The following SNX7 variants were observed in gnomAD, a reference collection of about 807,000 sequenced individuals.
SNX7 encodes sorting nexin 7.
SNX7 carries 35 observed loss-of-function variants against 48.4 expected under a neutral mutation model. The observed-to-expected ratio is 0.72, with a 90% CI of 0.55 to 0.96. SNX7 has a LOEUF of 0.96. SNX7 is among the 40% of genes least tolerant of loss of function. The pLI, the probability that SNX7 is intolerant of heterozygous loss-of-function variation, is 0.00. For synonymous variants in SNX7, 190 were observed against 190.2 expected (o/e 1.00, Z 0.01); for missense variants, 553 against 548.9 (o/e 1.01, Z -0.07).
chr1:98,672,606 A>C (rs1477855208), intron 1 of SNX7, among the ~76,000 whole-genome samples: 2 of 151,904 alleles, frequency 1.3e-5, no homozygotes, highest in African/African-American at 2.4e-5. Flanking sequence ...TAAATACAAG[A>C]GGTAAAATTT....
intron 8 of SNX7, among the ~76,000 whole-genome samples, chr1:98,741,575 G>A (rs1654071183): frequency 6.6e-6 from 1 of 152,128 alleles, no homozygotes. Context: ...AATGTGTTGA[G>A]TCTTTTTAAA....
At chr1:98,669,935 C>T (rs1649756124) in intron 1 of SNX7, among the ~76,000 whole-genome samples, 1 of 152,106 alleles carries the variant, frequency 6.6e-6, no homozygotes, top group South Asian at 2.1e-4. Flanking sequence ...AGATTAAGCT[C>T]TCAAAGGTAG....
chr1:98,710,391 A>G (rs1435400273), intron 7 of SNX7, among the ~76,000 whole-genome samples: 1 of 152,196 alleles, frequency 6.6e-6, no homozygotes, highest in Non-Finnish European at 1.5e-5. Flanking sequence ...ACAATGTTGC[A>G]GATAATTTCT....
chr1:98,685,472 T>TC (rs1650742134), intron 2 of SNX7, among the ~76,000 whole-genome samples: 1 of 152,144 alleles, frequency 6.6e-6, no homozygotes. Context: ...CATTTGTTTT[T>TC]CAAAGTGGGA....
Position 98,685,027 on chromosome 1 carries a change from C to A in SNX7, c.323C>A (p.Thr108Asn). 1 of 1,574,368 alleles carries A rather than the reference C, an allele frequency of 6.4e-7. No individual in the cohort carries two copies. The highest frequency in any genetic ancestry group is 8.6e-7 in the Non-Finnish European group (1 of 1,157,478). Residue 108 changes from threonine (T) to asparagine (N), a missense_variant, in exon 2 of 9, where the codon ACT (threonine) becomes AAT (asparagine). Physicochemically the swap from Thr to Asn is moderately conservative, Grantham distance 65 (BLOSUM62 0). Coordinates refer to ENST00000306121, the MANE Select transcript of SNX7 (RefSeq NM_015976.5). ...ITVDEPESHV[T>N]TIETFITYRI... The stretch of plus-strand genomic sequence containing the variant: ...GTTGATGAACCTGAAAGTCATGTTA[C>A]TACAATAGAAACTTTCATTACGTAT...
rs1350364969 is a variant in SNX7 at position 98,760,060 on chromosome 1, G to A, written c.1285G>A (p.Ala429Thr). Residue 429 changes from alanine (A) to threonine (T), a missense_variant, in exon 9 of 9, where the codon GCT (alanine) becomes ACT (threonine). Transcript: ENST00000306121. The part of the protein sequence containing the change: ...ENIHYYEQCL[A>T]TWESFLTSQT... Reference sequence around the variant, plus strand: ...GTGTGTTTCCATTATTCAGTGCCTTGCTACGTGGGAGTCATTCCTTACATC... The same window carrying A: ...GTGTGTTTCCATTATTCAGTGCCTTACTACGTGGGAGTCATTCCTTACATC... The A allele has an allele frequency of 6.3e-7, 1 of 1,597,560 alleles. No homozygotes were observed. Among genetic ancestry groups the A allele is most frequent in the South Asian group, 1.1e-5 (1 of 90,756 alleles).
chr1:98,695,926 C>T (rs1651431830), intron 5 of SNX7, among the ~76,000 whole-genome samples: 1 of 152,158 alleles, frequency 6.6e-6, no homozygotes, highest in African/African-American at 2.4e-5. Flanking sequence ...TCACTAGCTG[C>T]TCTACTTCCC....
At chr1:98,758,650 A>G (rs1336685973) in intron 8 of SNX7, among the ~76,000 whole-genome samples, 1 of 152,020 alleles carries the variant, frequency 6.6e-6, no homozygotes, top group African/African-American at 2.4e-5. Context: ...ACATTACCCC[A>G]AGCCTGGCCT....
intron 8 of SNX7, among the ~76,000 whole-genome samples, chr1:98,750,147 C>G (rs566881356): frequency 9.9e-5 from 15 of 151,708 alleles, no homozygotes; most frequent in African/African-American, 3.6e-4. Context: ...AGGTAAATGT[C>G]TAGTTATTTT....
intron 8 of SNX7, among the ~76,000 whole-genome samples, chr1:98,750,415 G>A (rs980986139): frequency 6.6e-6 from 1 of 151,960 alleles, no homozygotes; most frequent in Admixed American, 6.6e-5. Flanking sequence ...ATGAAGTGAT[G>A]AAAATGCCAT....
chr1:98,704,488 C>T (rs998275325), intron 7 of SNX7, among the ~76,000 whole-genome samples: 4 of 151,984 alleles, frequency 2.6e-5, no homozygotes, highest in Admixed American at 1.3e-4. Flanking sequence ...ATCCCTGTGC[C>T]TTATGATGGT....
chr1:98,683,261 A>C (rs772848122), intron 1 of SNX7, among the ~76,000 whole-genome samples: 1 of 152,144 alleles, frequency 6.6e-6, no homozygotes, highest in Non-Finnish European at 1.5e-5. Context: ...AAATAATAAA[A>C]AGCAGAGTAG....
At chr1:98,691,401 G>T in intron 3 of SNX7, 134 bp from the exon 4 acceptor site, 1 of 843,920 alleles carries the variant, frequency 1.2e-6, no homozygotes, top group Non-Finnish European at 1.7e-6. Flanking sequence ...TTCTAACATT[G>T]TGAATTTTTA....
chr1:98,724,155 T>C (rs1653044633), intron 7 of SNX7, among the ~76,000 whole-genome samples: 1 of 152,122 alleles, frequency 6.6e-6, no homozygotes, highest in African/African-American at 2.4e-5. Context: ...TATCGAGCTT[T>C]CAGAATGATT....
chr1:98,691,695 C>A lies in SNX7; in HGVS notation c.635C>A (p.Ala212Asp). Residue 212 changes from alanine (A) to aspartate (D), a missense_variant, in exon 4 of 9, where the codon GCT becomes GAT. Coordinates refer to ENST00000306121, the MANE Select transcript of SNX7 (RefSeq NM_015976.5). ...EDFKIFLTAQAWELSSHKKQG... is the reference protein window; with the variant it reads ...EDFKIFLTAQDWELSSHKKQG... Reference sequence around the variant, plus strand: ...TTCAAAATTTTTCTCACTGCACAAGCTTGGGTAAATGATTTTTATTTATAC... The same window carrying A: ...TTCAAAATTTTTCTCACTGCACAAGATTGGGTAAATGATTTTTATTTATAC... 6.3e-7 allele frequency: 1 copy of A among 1,596,460 alleles called. No homozygotes were observed. The highest frequency in any genetic ancestry group is 2.3e-5 in the East Asian group (1 of 44,290).
chr1:98,723,589 G>A (rs989579291), intron 7 of SNX7, among the ~76,000 whole-genome samples: 2 of 151,888 alleles, frequency 1.3e-5, no homozygotes, highest in Non-Finnish European at 2.9e-5. Context: ...TCTAGGTCGG[G>A]TGCAGTGGCT....
intron 4 of SNX7, among the ~76,000 whole-genome samples, chr1:98,692,753 C>T (rs1054069963): frequency 2.0e-5 from 3 of 152,126 alleles, no homozygotes; most frequent in Non-Finnish European, 2.9e-5. Flanking sequence ...TAATTTTAAG[C>T]AGTTTTGATT....
intron 1 of SNX7, among the ~76,000 whole-genome samples, chr1:98,674,533 C>T (rs527346741): frequency 6.6e-6 from 1 of 152,082 alleles, no homozygotes; most frequent in African/African-American, 2.4e-5. Context: ...TCCTAATGAC[C>T]TCATTTTAAC....
intron 1 of SNX7, among the ~76,000 whole-genome samples, chr1:98,676,600 T>A (rs1650179580): frequency 6.6e-6 from 1 of 152,230 alleles, no homozygotes; most frequent in South Asian, 2.1e-4. Flanking sequence ...AAACTTTTTG[T>A]GGGAAGAGCC....
Sources: allele counts gnomAD v4.1 joint callset (sites outside exome capture counted in the v4.1 genomes callset), GRCh38; gene constraint gnomAD v4.1.1; transcripts MANE v1.5; gene names NCBI Gene and HGNC (gene_info 2026-07-23, HGNC 2026-07-21).